The following IRAK3 variants were observed in gnomAD, a reference collection of about 807,000 sequenced individuals.
IRAK3 encodes interleukin 1 receptor associated kinase 3.
IRAK3 carries 57 observed loss-of-function variants against 56.6 expected under a neutral mutation model. The observed-to-expected ratio is 1.01, with a 90% CI of 0.81 to 1.26. The LOEUF (loss-of-function observed/expected upper bound fraction) is 1.26, where lower values mean the gene tolerates loss of function less well. IRAK3 is among the 50% of genes most tolerant of loss of function. IRAK3 has a pLI of 0.00. For missense variants in IRAK3, 703 were observed against 719.0 expected (o/e 0.98, Z 0.25); for synonymous variants, 258 against 255.7 (o/e 1.01, Z -0.09).
chr12:66,193,626 C>T (rs373181442), intron 1 of IRAK3, among the ~76,000 whole-genome samples: 2 of 151,798 alleles, frequency 1.3e-5, no homozygotes, highest in Admixed American at 1.3e-4. Context: ...AGACTTTCCT[C>T]GTTTTGAGGA....
At chr12:66,200,570 G>T (rs2052497086) in intron 1 of IRAK3, among the ~76,000 whole-genome samples, 1 of 152,168 alleles carries the variant, frequency 6.6e-6, no homozygotes, top group African/African-American at 2.4e-5. Flanking sequence ...AAGAGGGCCA[G>T]TCATGGTTTC....
intron 5 of IRAK3, among the ~76,000 whole-genome samples, chr12:66,213,896 G>A (rs2052638675): frequency 6.6e-6 from 1 of 152,102 alleles, no homozygotes; most frequent in African/African-American, 2.4e-5. Flanking sequence ...AAAAACAAAT[G>A]GGGAAACCAT....
At position 66,244,956 on chromosome 12, in the gene IRAK3, G is replaced by A. The variant is rs1354266997; in HGVS notation, c.1095G>A (p.Met365Ile). The A allele has an allele frequency of 1.2e-6, 2 of 1,610,488 alleles. No individual in the cohort carries two copies. The highest frequency in any genetic ancestry group is 1.7e-6 in the Non-Finnish European group (2 of 1,176,778). ...TDVYSFGIVIMEVLTGCRVVL... is the reference protein window; with the variant it reads ...TDVYSFGIVIIEVLTGCRVVL... ...CTATATATTCCTTGTAGGTAATAAT[G>A]GAAGTTCTAACAGGATGTAGAGTAG... The change falls in exon 10 of 12, where the codon ATG becomes ATA. Residue 365 changes from methionine (M) to isoleucine (I), a missense_variant. Transcript: ENST00000261233.
At chr12:66,204,778 G>GCGCGCGCGCA (rs1026097833) in intron 2 of IRAK3, among the ~76,000 whole-genome samples, 36 of 147,922 alleles carry the variant, frequency 2.4e-4, no homozygotes, top group African/African-American at 8.9e-4. Flanking sequence ...GAGCCCTTGC[G>GCGCGCGCGCA]CACACACACA....
At chr12:66,194,724 G>A (rs917733804) in intron 1 of IRAK3, among the ~76,000 whole-genome samples, 6 of 151,722 alleles carry the variant, frequency 4.0e-5, no homozygotes, top group African/African-American at 7.3e-5. Flanking sequence ...AGCTACTTGG[G>A]AGGCTGAGGC....
At chr12:66,242,647 A>G (rs1450906699) in intron 8 of IRAK3, among the ~76,000 whole-genome samples, 3 of 152,224 alleles carry the variant, frequency 2.0e-5, no homozygotes, top group African/African-American at 7.2e-5. Context: ...CCTTCCTTCC[A>G]TAAATGCTAA....
intron 5 of IRAK3, among the ~76,000 whole-genome samples, chr12:66,216,908 G>A (rs1454155129): frequency 1.3e-5 from 2 of 152,156 alleles, no homozygotes; most frequent in Non-Finnish European, 2.9e-5. Flanking sequence ...TTATGTAAAT[G>A]TGTGCAAAAT....
At chr12:66,202,990 A>G (rs1284808255) in intron 1 of IRAK3, among the ~76,000 whole-genome samples, 5 of 152,124 alleles carry the variant, frequency 3.3e-5, no homozygotes, top group Admixed American at 6.6e-5. Flanking sequence ...ATAAATAAAT[A>G]AATGTAGGAG....
rs2136956484 is a variant in IRAK3, at chr12:66,248,943, A to T, written c.*772A>T. 1 of 151,688 alleles carries T rather than the reference A, an allele frequency of 6.6e-6. No individual in the cohort carries two copies. Among genetic ancestry groups the T allele is most frequent in the Admixed American group, 6.6e-5 (1 of 15,218 alleles). The allele number at this position is 151,688 out of a possible 1,614,324, so 9.4% of individuals were successfully genotyped here. A position where few individuals can be genotyped will look rare whatever the true frequency, so the allele number is the denominator to read the frequency against. On this transcript the variant is annotated 3_prime_UTR_variant, in exon 12 of 12. Transcript: ENST00000261233. ...AAGGGCCTAGGTCAGCTTTTTGTTT[A>T]ATCTACACCTTTCAACTCTGGGCCT...
At chr12:66,245,878 A>G (rs1331872361) in intron 11 of IRAK3, among the ~76,000 whole-genome samples, 1 of 152,006 alleles carries the variant, frequency 6.6e-6, no homozygotes, top group African/African-American at 2.4e-5. Flanking sequence ...TTATTAATCT[A>G]TCCATAGACT....
chr12:66,247,964 T>C lies in IRAK3; in HGVS notation c.1584T>C (p.Asn528=), dbSNP rs773227459. The C allele has an allele frequency of 2.5e-6, 4 of 1,612,346 alleles. No individual in the cohort carries two copies. Among genetic ancestry groups the C allele is most frequent in the Non-Finnish European group, 2.5e-6 (3 of 1,179,430 alleles). The change falls in exon 12 of 12, where the codon AAT becomes AAC. Residue 528 remains asparagine, a synonymous_variant. Coordinates refer to ENST00000261233, the MANE Select transcript of IRAK3 (RefSeq NM_007199.3). ...ACAAAAAGCCAGAGAGCAAGAGAAA[T>C]GAGGAAGCTTGCAACATGCCCAGTT... ...SLDKKPESKR[N]EEACNMPSSS...
chr12:66,246,228 C>T (rs1192935176), intron 11 of IRAK3, among the ~76,000 whole-genome samples: 2 of 151,942 alleles, frequency 1.3e-5, no homozygotes, highest in Non-Finnish European at 2.9e-5. Context: ...GAAAGACATC[C>T]CAAGCAGAGA....
intron 8 of IRAK3, among the ~76,000 whole-genome samples, chr12:66,242,990 C>T (rs7298971): frequency 0.038 from 5,727 of 151,776 alleles, 166 homozygotes; most frequent in Middle Eastern, 0.095. Flanking sequence ...CACTTGAACC[C>T]GGGAGGCAGA....
intron 8 of IRAK3, among the ~76,000 whole-genome samples, chr12:66,238,303 C>T (rs1016392454): frequency 3.3e-5 from 5 of 152,186 alleles, no homozygotes; most frequent in Non-Finnish European, 5.9e-5. Flanking sequence ...GACTTTTCAC[C>T]TGGCATCAAC....
intron 8 of IRAK3, among the ~76,000 whole-genome samples, chr12:66,233,758 T>C (rs1040716488): frequency 3.3e-5 from 5 of 151,414 alleles, no homozygotes; most frequent in African/African-American, 1.2e-4. Context: ...ACCCAGAAAA[T>C]TGAAGTTTTC....
rs558348190 is a variant in IRAK3, at chr12:66,251,095, C to A, written c.*2924C>A. ...TGTTGGTTAGCACAGAGTGGGAGCT[C>A]TAGAAAGATTGTTGACCAATCATCT... On this transcript the variant is annotated 3_prime_UTR_variant, in exon 12 of 12. Coordinates refer to ENST00000261233, the MANE Select transcript of IRAK3 (RefSeq NM_007199.3). The A allele has an allele frequency of 6.6e-6, 1 of 152,190 alleles. No individual in the cohort carries two copies. The highest frequency in any genetic ancestry group is 2.4e-5 in the African/African-American group (1 of 41,454). 9.4% of individuals were successfully genotyped at this position (152,190 alleles called of 1,614,324 possible). A position where few individuals can be genotyped will look rare whatever the true frequency, so the allele number is the denominator to read the frequency against.
intron 2 of IRAK3, among the ~76,000 whole-genome samples, chr12:66,206,915 G>T (rs1242363537): frequency 6.6e-6 from 1 of 152,076 alleles, no homozygotes; most frequent in East Asian, 1.9e-4. Context: ...GTTTATTTTT[G>T]CTTGAGTTAG....
rs760581080 is a variant in IRAK3, at chr12:66,228,251, G to A, written c.769-1G>A. On this transcript the variant is annotated splice_acceptor_variant, in intron 7 of 11. Coordinates refer to ENST00000261233, the MANE Select transcript of IRAK3 (RefSeq NM_007199.3). LOFTEE classifies it high-confidence loss of function. Reference sequence around the variant, plus strand: ...CAAACCAATTGCTGTTGTTGTTTTAGGGTGACACGGCCCCACTCCCTTGGC... The same window carrying A: ...CAAACCAATTGCTGTTGTTGTTTTAAGGTGACACGGCCCCACTCCCTTGGC... 18 of 1,610,760 alleles carry A rather than the reference G, an allele frequency of 1.1e-5. No individual in the cohort carries two copies. The East Asian group carries it at 2.9e-4, about 26-fold the overall frequency.
In IRAK3 at chr12:66,254,612, GAAAA is replaced by G. The variant is rs201562622; in HGVS notation, c.*6448_*6451del. Reference sequence around the variant, plus strand: ...TTTATTAGAAAAGAATAAAGTTTTTGAAAAAAAAAACAGTCATTTTCTACATTTC... The same window carrying G: ...TTTATTAGAAAAGAATAAAGTTTTTGAAAAAACAGTCATTTTCTACATTTC... On this transcript the variant is annotated 3_prime_UTR_variant, in exon 12 of 12. Coordinates refer to ENST00000261233, the MANE Select transcript of IRAK3 (RefSeq NM_007199.3). 1.4e-5 allele frequency: 2 copies of G among 143,274 alleles called. No homozygotes were observed. Among genetic ancestry groups the G allele is most frequent in the African/African-American group, 5.1e-5 (2 of 39,152 alleles). 8.9% of individuals were successfully genotyped at this position (143,274 alleles called of 1,614,324 possible). A position where few individuals can be genotyped will look rare whatever the true frequency, so the allele number is the denominator to read the frequency against.
Sources: allele counts gnomAD v4.1 joint callset (sites outside exome capture counted in the v4.1 genomes callset), GRCh38; gene constraint gnomAD v4.1.1; transcripts MANE v1.5; gene names NCBI Gene and HGNC (gene_info 2026-07-23, HGNC 2026-07-21).